EFHC1: variants seen among roughly 807,000 people sequenced by gnomAD.
EFHC1 encodes EF-hand domain-containing protein 1.
EFHC1 carries 53 observed loss-of-function variants against 69.9 expected under a neutral mutation model. That is an observed-to-expected ratio of 0.76 (90% CI 0.61 to 0.95). EFHC1 has a LOEUF of 0.95. EFHC1 is among the 40% of genes least tolerant of loss of function. The pLI, the probability that EFHC1 is intolerant of heterozygous loss-of-function variation, is 0.00. For synonymous variants in EFHC1, 256 were observed against 278.4 expected (o/e 0.92, Z 0.80); for missense variants, 739 against 798.7 (o/e 0.93, Z 0.90).
chr6:52,458,196 C>CA (rs1562454671), intron 5 of EFHC1, among the ~76,000 whole-genome samples: 3 of 152,040 alleles, frequency 2.0e-5, no homozygotes, highest in Admixed American at 2.0e-4. Flanking sequence ...CTTACCTCAC[C>CA]ATACATAAAA....
chr6:52,489,808 C>G (rs887776709), intron 9 of EFHC1, among the ~76,000 whole-genome samples: 36 of 152,158 alleles, frequency 2.4e-4, no homozygotes, highest in Admixed American at 2.3e-3. Flanking sequence ...TAATCTGCAA[C>G]AGTAGTAAGA....
At chr6:52,460,143 T>G (rs1000503767) in intron 5 of EFHC1, among the ~76,000 whole-genome samples, 1 of 152,198 alleles carries the variant, frequency 6.6e-6, no homozygotes, top group East Asian at 1.9e-4. Context: ...TGCAAATGTC[T>G]ATTAACAGTT....
intron 3 of EFHC1, among the ~76,000 whole-genome samples, chr6:52,442,441 C>T (rs1200486893): frequency 1.3e-5 from 2 of 151,626 alleles, no homozygotes; most frequent in African/African-American, 2.4e-5. Flanking sequence ...GGTATCCCTC[C>T]CCACACCCCC....
rs1437968450 is a variant in EFHC1, at chr6:52,493,989, T to C, written c.*1648T>C. Reference sequence around the variant, plus strand: ...GCTTATTGAAAGGGCTGTGAATGTATTATGTTGATTCCTTTTCTGTTCCAG... The same window carrying C: ...GCTTATTGAAAGGGCTGTGAATGTACTATGTTGATTCCTTTTCTGTTCCAG... On this transcript the variant is annotated 3_prime_UTR_variant, in exon 11 of 11. Coordinates refer to ENST00000371068, the MANE Select transcript of EFHC1 (RefSeq NM_018100.4). 2.2e-6 allele frequency: 1 copy of C among 453,994 alleles called. No homozygotes were observed. Among genetic ancestry groups the C allele is most frequent in the East Asian group, 6.9e-5 (1 of 14,410 alleles). The allele number at this position is 453,994 out of a possible 1,614,324, so 28.1% of individuals were successfully genotyped here. A position where few individuals can be genotyped will look rare whatever the true frequency, so the allele number is the denominator to read the frequency against.
intron 3 of EFHC1, 49 bp from the exon 4 acceptor site, chr6:52,452,639 T>G: frequency 6.2e-7 from 1 of 1,601,436 alleles, no homozygotes. Context: ...TATAACTTAC[T>G]CTGAAAAGCT....
rs959065547 is a variant in EFHC1, at chr6:52,492,807, A to G, written c.*466A>G. On this transcript the variant is annotated 3_prime_UTR_variant, in exon 11 of 11. Coordinates refer to ENST00000371068, the MANE Select transcript of EFHC1 (RefSeq NM_018100.4). ...TTTTTAAAATTATTTTGTAGAGACA[A>G]GGTCTTGCTAGGTTGCCTGAACTTG... 1.4e-5 allele frequency: 6 copies of G among 436,170 alleles called. No homozygotes were observed. The highest frequency in any genetic ancestry group is 5.0e-5 in the Admixed American group (2 of 39,842). The allele number at this position is 436,170 out of a possible 1,614,324, so 27.0% of individuals were successfully genotyped here.
intron 6 of EFHC1, 34 bp from the exon 7 acceptor site, chr6:52,469,299 T>A: frequency 6.2e-7 from 1 of 1,613,216 alleles, no homozygotes; most frequent in Non-Finnish European, 8.5e-7. Context: ...ACAAGTAGTA[T>A]CTGCCTTACT....
intron 10 of EFHC1, 69 bp downstream of exon 10, chr6:52,490,419 T>C (rs1581854572): frequency 1.5e-6 from 2 of 1,355,156 alleles, no homozygotes; most frequent in Admixed American, 1.7e-5. Flanking sequence ...CTAAAGGCAA[T>C]TGTGTGTGTA....
intron 4 of EFHC1, chr6:52,453,278 A>G (rs1170830927): frequency 7.8e-7 from 1 of 1,287,628 alleles, no homozygotes; most frequent in Non-Finnish European, 1.0e-6. Context: ...AAGCCCCACT[A>G]CAGATGCTTC....
chr6:52,480,138 C>G, intron 9 of EFHC1: 1 of 499,458 alleles, frequency 2.0e-6, no homozygotes, highest in Non-Finnish European at 3.6e-6. Context: ...TTGATTAACA[C>G]ATATTTTCTG....
chr6:52,474,548 A>G (rs956745232), intron 7 of EFHC1, among the ~76,000 whole-genome samples: 3 of 152,244 alleles, frequency 2.0e-5, no homozygotes, highest in African/African-American at 4.8e-5. Context: ...TCACCAAAAA[A>G]TAAGAATGTT....
chr6:52,460,654 T>G (rs1402473896), intron 5 of EFHC1, among the ~76,000 whole-genome samples: 1 of 152,124 alleles, frequency 6.6e-6, no homozygotes, highest in Non-Finnish European at 1.5e-5. Flanking sequence ...CAGATGGAAG[T>G]TAGAATGACA....
intron 9 of EFHC1, chr6:52,486,544 T>A (rs1765790843): frequency 6.6e-6 from 1 of 152,246 alleles, no homozygotes; most frequent in South Asian, 2.1e-4. Flanking sequence ...CACTTCTAGC[T>A]ACTTTTCCCA....
chr6:52,427,819 G>T (rs1177182750), intron 2 of EFHC1, among the ~76,000 whole-genome samples: 1 of 152,026 alleles, frequency 6.6e-6, no homozygotes, highest in Non-Finnish European at 1.5e-5. Flanking sequence ...ATGTGACTTG[G>T]CTTTTTATAA....
chr6:52,494,440 C>A lies in EFHC1; in HGVS notation c.*2099C>A. 2.2e-6 allele frequency: 1 copy of A among 454,082 alleles called. No individual in the cohort carries two copies. Among genetic ancestry groups the A allele is most frequent in the Non-Finnish European group, 4.4e-6 (1 of 226,788 alleles). 28.1% of individuals were successfully genotyped at this position (454,082 alleles called of 1,614,324 possible). Reference sequence around the variant, plus strand: ...ATTCAGCCATGCTGCTGTTTCTAGCCCATGTAGGCTCTGGGAAAGGTTAAG... The same window carrying A: ...ATTCAGCCATGCTGCTGTTTCTAGCACATGTAGGCTCTGGGAAAGGTTAAG... On this transcript the variant is annotated 3_prime_UTR_variant, in exon 11 of 11. Coordinates refer to ENST00000371068, the MANE Select transcript of EFHC1 (RefSeq NM_018100.4).
intron 7 of EFHC1, 94 bp downstream of exon 7, chr6:52,469,567 C>CA: frequency 1.9e-6 from 3 of 1,565,192 alleles, no homozygotes; most frequent in Non-Finnish European, 2.6e-6. Flanking sequence ...TAACAGCTGT[C>CA]AGAGTTATGT....
rs139641705 is a variant in EFHC1 at position 52,468,907 on chromosome 6, ACT to A, written c.1138-423_1138-422del. 732 of 192,676 alleles carry A rather than the reference ACT, an allele frequency of 3.8e-3. 4 individuals are homozygous for A. Among genetic ancestry groups the A allele is most frequent in the Non-Finnish European group, 5.0e-3 (462 of 92,174 alleles). The allele number at this position is 192,676 out of a possible 1,614,324, so 11.9% of individuals were successfully genotyped here. A position where few individuals can be genotyped will look rare whatever the true frequency, so the allele number is the denominator to read the frequency against. ...AATAGTCCTTTGTTGTTGAAGAAAT[ACT>A]CTGTTATGGATGGTACTAGGGACTA... On this transcript the variant is annotated intron_variant, in intron 6 of 10. Coordinates refer to ENST00000371068, the MANE Select transcript of EFHC1 (RefSeq NM_018100.4).
intron 2 of EFHC1, among the ~76,000 whole-genome samples, chr6:52,435,753 T>G (rs1274350596): frequency 6.6e-6 from 1 of 152,230 alleles, no homozygotes; most frequent in Non-Finnish European, 1.5e-5. Context: ...TTACCACTGC[T>G]TAGAAGCCCC....
In EFHC1 at chr6:52,496,750, C is replaced by CCAACT. The variant is rs1766072662; in HGVS notation, c.*4411_*4415dup. ...CTAGCTTCTCATGGCAGAGCAGGAC[C>CCAACT]CAACTCTACAATGAAGCTTGCCATG... On this transcript the variant is annotated 3_prime_UTR_variant, in exon 11 of 11. Transcript: ENST00000371068. 6.6e-6 allele frequency: 1 copy of CCAACT among 152,154 alleles called. No homozygotes were observed. The highest frequency in any genetic ancestry group is 2.4e-5 in the African/African-American group (1 of 41,416). The allele number at this position is 152,154 out of a possible 1,614,324, so 9.4% of individuals were successfully genotyped here. A position where few individuals can be genotyped will look rare whatever the true frequency, so the allele number is the denominator to read the frequency against.
Sources: gnomAD v4.1 joint callset for allele counts (sites outside exome capture counted in the v4.1 genomes callset) on GRCh38, gnomAD v4.1.1 for gene constraint, MANE v1.5 for transcripts, NCBI Gene and HGNC (gene_info 2026-07-23, HGNC 2026-07-21) for gene names.